MAEL: variants seen among roughly 807,000 people sequenced by gnomAD.
The protein encoded by MAEL is protein maelstrom homolog.
A neutral mutation model predicts 62.0 loss-of-function variants in MAEL; 46 were observed. The ratio of observed to expected loss-of-function variants is 0.74; its 90% CI spans 0.59 to 0.95. The LOEUF is 0.95. Ranked by LOEUF, MAEL falls within the 40% of genes least tolerant of loss-of-function variation. The pLI is 0.00. For synonymous variants in MAEL, 172 were observed against 175.5 expected (o/e 0.98, Z 0.16); for missense variants, 497 against 526.8 (o/e 0.94, Z 0.55).
rs533532699 is a variant in MAEL, at chr1:166,994,576, T to C, written c.523+507T>C. 2.0e-5 allele frequency among the ~76,000 whole-genome samples: 3 copies of C among 152,136 alleles called. No homozygotes were observed. The South Asian group carries it at 6.2e-4, about 32-fold the overall frequency. ...GGTTTTAAGTGATTTTCTGCTTAAA[T>C]AGAATGAAAATCGGAATAGGTTTAT... On this transcript the variant is annotated intron_variant, in intron 5 of 11. Transcript: ENST00000367872.
At chr1:167,017,707 T>C (rs1665454008) in intron 9 of MAEL, 120 bp from the exon 10 acceptor site, 1 of 835,448 alleles carries the variant, frequency 1.2e-6, no homozygotes, top group Non-Finnish European at 1.7e-6. Context: ...TCCAAATTTA[T>C]TTTTTCCCAG....
At chr1:167,014,976 A>G (rs997464398) in intron 8 of MAEL, among the ~76,000 whole-genome samples, 9 of 152,122 alleles carry the variant, frequency 5.9e-5, no homozygotes, top group Admixed American at 5.2e-4. Context: ...GTGAGCAGAG[A>G]TCGCGCCTCA....
At chr1:166,994,974 A>ATT (rs944951589) in intron 5 of MAEL, among the ~76,000 whole-genome samples, 292 of 110,154 alleles carry the variant, frequency 2.7e-3, no homozygotes, top group Non-Finnish European at 3.4e-3. Context: ...CCACCCAGTA[A>ATT]TTTTTTTTTT....
At chr1:166,977,646 C>T in intron 1 of MAEL, among the ~76,000 whole-genome samples, 1 of 152,186 alleles carries the variant, frequency 6.6e-6, no homozygotes, top group Non-Finnish European at 1.5e-5. Context: ...TGTTTATTAT[C>T]TAAGCACACA....
At chr1:166,991,573 G>A (rs998453442) in intron 3 of MAEL, 96 bp downstream of exon 3, 12 of 731,382 alleles carry the variant, frequency 1.6e-5, no homozygotes, top group African/African-American at 1.0e-4. Context: ...TTGATCCTCC[G>A]TTTCAAAGTA....
chr1:166,998,141 C>T (rs1664506575), intron 5 of MAEL, among the ~76,000 whole-genome samples: 1 of 152,176 alleles, frequency 6.6e-6, no homozygotes, highest in Admixed American at 6.5e-5. Flanking sequence ...ATCATGGCTG[C>T]TTTGACCCTT....
intron 8 of MAEL, among the ~76,000 whole-genome samples, chr1:167,010,986 T>A (rs118006198): frequency 6.6e-6 from 1 of 152,110 alleles, no homozygotes; most frequent in Admixed American, 6.5e-5. Flanking sequence ...TGCATGATCT[T>A]AAATTTCCCC....
At position 167,017,846 on chromosome 1, in the gene MAEL, C is replaced by T. The variant is rs1571280030; in HGVS notation, c.928C>T (p.Leu310=). The change falls in exon 10 of 12, where the codon CTG becomes TTG. Residue 310 remains leucine (L), a synonymous_variant. Transcript: ENST00000367872. ...TTAAAGGTACTGCATCAGTAATTCT[C>T]TGGCCACTCTCTTTGGAATCCAGCT... ...KKIAYCISNS[L]ATLFGIQLTE... 3 of 1,612,042 alleles carry T rather than the reference C, an allele frequency of 1.9e-6. No homozygotes were observed. Among genetic ancestry groups the T allele is most frequent in the Non-Finnish European group, 2.5e-6 (3 of 1,178,846 alleles).
chr1:166,982,119 A>C (rs1249961424), intron 1 of MAEL, among the ~76,000 whole-genome samples: 1 of 152,204 alleles, frequency 6.6e-6, no homozygotes, highest in Non-Finnish European at 1.5e-5. Flanking sequence ...TGTATATTGC[A>C]AGCAGGAGGA....
intron 8 of MAEL, 36 bp downstream of exon 8, chr1:167,005,433 CTTATTTTCTAGACTGAGAAAATA>C: frequency 6.4e-7 from 1 of 1,559,748 alleles, no homozygotes. Context: ...GTCATTTTGA[CTTATTTTCTAGACTGAGAAAATA>C]TGGTAGGACT....
intron 9 of MAEL, among the ~76,000 whole-genome samples, 153 bp downstream of exon 9, chr1:167,016,437 A>G (rs1665391648): frequency 6.6e-6 from 1 of 152,102 alleles, no homozygotes; most frequent in African/African-American, 2.4e-5. Context: ...ACAGTGAGAT[A>G]TTATCTCACC....
At chr1:167,006,719 T>A (rs1208604679) in intron 8 of MAEL, among the ~76,000 whole-genome samples, 1 of 147,862 alleles carries the variant, frequency 6.8e-6, no homozygotes, top group African/African-American at 2.5e-5. Context: ...CACTGCACCC[T>A]CCACCTCCCA....
rs759869850 is a variant in MAEL, at chr1:167,005,255, G to A, written c.704-1G>A. On this transcript the variant is annotated splice_acceptor_variant, in intron 7 of 11. Coordinates refer to ENST00000367872, the MANE Select transcript of MAEL (RefSeq NM_032858.3). LOFTEE classifies it high-confidence loss of function. ...TGTGTTTTTCCATTTACTAATGGAA[G>A]AAATCAGGCAAGATCTACAACTTCT... 3.1e-6 allele frequency: 5 copies of A among 1,611,766 alleles called. No individual in the cohort carries two copies. The highest frequency in any genetic ancestry group is 3.4e-6 in the Non-Finnish European group (4 of 1,179,200).
chr1:166,982,500 T>C (rs574283276), intron 1 of MAEL, among the ~76,000 whole-genome samples: 1 of 152,274 alleles, frequency 6.6e-6, no homozygotes. Flanking sequence ...ACTACTATTA[T>C]TATTATTAGC....
In MAEL at chr1:167,006,601, C is replaced by CTATATATATATA. The variant is rs200881169; in HGVS notation, c.845+1229_845+1240dup. ...CTATTGGAAAGTTACTGGTTTTTTA[C>CTATATATATATA]TATATATATATATATATATATATAT... is the stretch of plus-strand genomic sequence containing the variant. On this transcript the variant is annotated intron_variant, in intron 8 of 11. Coordinates refer to ENST00000367872, the MANE Select transcript of MAEL (RefSeq NM_032858.3). Among the ~76,000 whole-genome samples, 260 of 97,940 alleles carry CTATATATATATA rather than the reference C, an allele frequency of 2.7e-3. 3 individuals are homozygous for CTATATATATATA. Among genetic ancestry groups the CTATATATATATA allele is most frequent in the African/African-American group, 3.5e-3 (101 of 28,776 alleles). 64.3% of individuals were successfully genotyped at this position (97,940 alleles called of 152,430 possible). A position where few individuals can be genotyped will look rare whatever the true frequency, so the allele number is the denominator to read the frequency against.
chr1:167,014,233 G>C (rs1337283697), intron 8 of MAEL, among the ~76,000 whole-genome samples: 4 of 152,224 alleles, frequency 2.6e-5, no homozygotes, highest in Non-Finnish European at 5.9e-5. Context: ...GGACCAAGAA[G>C]AGATAAATTT....
At chr1:166,976,169 AATGATT>A (rs1663572674) in intron 1 of MAEL, among the ~76,000 whole-genome samples, 2 of 152,336 alleles carry the variant, frequency 1.3e-5, no homozygotes, top group South Asian at 4.1e-4. Context: ...GAATGAGATA[AATGATT>A]ATAACGGCTT....
chr1:167,004,101 C>T, intron 5 of MAEL, 79 bp from the exon 6 acceptor site: 1 of 1,285,804 alleles, frequency 7.8e-7, no homozygotes, highest in Non-Finnish European at 1.1e-6. Flanking sequence ...CTACTCTCTT[C>T]TTGTACCCCC....
intron 5 of MAEL, among the ~76,000 whole-genome samples, chr1:166,997,130 T>A (rs527345872): frequency 1.3e-5 from 2 of 152,234 alleles, no homozygotes; most frequent in Non-Finnish European, 2.9e-5. Context: ...CTGGCCCCCC[T>A]GGGCCACATT....
Sources: allele counts gnomAD v4.1 joint callset (sites outside exome capture counted in the v4.1 genomes callset), GRCh38; gene constraint gnomAD v4.1.1; transcripts MANE v1.5; gene names NCBI Gene and HGNC (gene_info 2026-07-23, HGNC 2026-07-21).